The following CACNA1B variants were observed in gnomAD, a reference collection of about 807,000 sequenced individuals.
CACNA1B encodes voltage-dependent N-type calcium channel subunit alpha-1B.
Under a neutral mutation model 247.2 loss-of-function variants are expected in CACNA1B, and 70 were observed. The ratio of observed to expected loss-of-function variants is 0.28; its 90% CI spans 0.23 to 0.35. The LOEUF (loss-of-function observed/expected upper bound fraction) is 0.35. CACNA1B is among the 10% of genes least tolerant of loss of function. The probability of loss-of-function intolerance (pLI) is 1.00; values close to 1 mark genes in which losing one functional copy is unlikely to be tolerated. For missense variants in CACNA1B, 2,367 were observed against 3,197.4 expected (o/e 0.74, Z 6.26); for synonymous variants, 1,231 against 1,294.4 (o/e 0.95, Z 1.05).
At chr9:137,953,801 T>C (rs1251477607) in intron 7 of CACNA1B, among the ~76,000 whole-genome samples, 1 of 150,602 alleles carries the variant, frequency 6.6e-6, no homozygotes, top group Non-Finnish European at 1.5e-5. Context: ...AGTCAGAGGG[T>C]GTTGTGGGGA....
At chr9:137,939,803 A>AAAATAAATAAATAAAT (rs756173569) in intron 6 of CACNA1B, among the ~76,000 whole-genome samples, 2 of 143,828 alleles carry the variant, frequency 1.4e-5, no homozygotes, top group East Asian at 2.0e-4. Flanking sequence ...ACTCCGTCTC[A>AAAATAAATAAATAAAT]AAATAAATAA....
intron 3 of CACNA1B, among the ~76,000 whole-genome samples, chr9:137,908,273 T>C (rs185287930): frequency 9.9e-5 from 15 of 152,264 alleles, no homozygotes; most frequent in African/African-American, 1.4e-4. Flanking sequence ...CCCAGTACTT[T>C]GGGAGGCTGA....
At chr9:137,961,128 C>G (rs944781931) in intron 10 of CACNA1B, among the ~76,000 whole-genome samples, 4 of 151,920 alleles carry the variant, frequency 2.6e-5, no homozygotes, top group African/African-American at 4.8e-5. Flanking sequence ...AGCTTTATTC[C>G]TAGGTATTTT....
At chr9:137,939,849 A>AATAG (rs1957711873) in intron 6 of CACNA1B, among the ~76,000 whole-genome samples, 6 of 65,674 alleles carry the variant, frequency 9.1e-5, no homozygotes, top group Admixed American at 6.6e-4. Flanking sequence ...TAAATAAATA[A>AATAG]AAAAAAATAA....
intron 20 of CACNA1B, 102 bp downstream of exon 20, chr9:138,025,274 C>G: frequency 1.4e-6 from 1 of 736,632 alleles, no homozygotes. Flanking sequence ...CCCAGCCTAC[C>G]TCTGTGAATT....
chr9:138,103,602 C>G (rs1589129971), intron 38 of CACNA1B, among the ~76,000 whole-genome samples: 1 of 152,140 alleles, frequency 6.6e-6, no homozygotes, highest in East Asian at 1.9e-4. Context: ...CCCAGCTGTC[C>G]CCAGTCCCAC....
chr9:138,081,526 C>T (rs963080421), intron 36 of CACNA1B, among the ~76,000 whole-genome samples: 1 of 144,190 alleles, frequency 6.9e-6, no homozygotes, highest in Non-Finnish European at 1.5e-5. Context: ...GGCAGGACTT[C>T]GTTAGGTTGG....
At chr9:137,960,244 AGTTAGG>A in intron 10 of CACNA1B, among the ~76,000 whole-genome samples, 1 of 104,182 alleles carries the variant, frequency 9.6e-6, no homozygotes, top group Non-Finnish European at 2.0e-5. Context: ...GGGAGAGGGG[AGTTAGG>A]CCTGAGGGAC....
At chr9:137,934,113 C>G (rs942203561) in intron 6 of CACNA1B, among the ~76,000 whole-genome samples, 1 of 152,032 alleles carries the variant, frequency 6.6e-6, no homozygotes, top group African/African-American at 2.4e-5. Context: ...ACAAAGACAC[C>G]AAGGAAAGTT....
Position 137,880,684 on chromosome 9 carries a change from C to T in CACNA1B, c.390+1525C>T, listed in dbSNP as rs182553393. On this transcript the variant is annotated intron_variant, in intron 2 of 46. Coordinates refer to ENST00000371372, the MANE Select transcript of CACNA1B (RefSeq NM_000718.4). This position sits in a 1 kb window ranked among gnomAD's most constrained non-coding sequence, Gnocchi z 4.8. ...TGTTGGGAAAACTGCAGAACATGCC[C>T]GCCCTGAGCCAGCCTAGAGGTCTGG... 1.5e-3 allele frequency among the ~76,000 whole-genome samples: 235 copies of T among 152,210 alleles called. No individual in the cohort carries two copies. The highest frequency in any genetic ancestry group is 5.2e-3 in the African/African-American group (217 of 41,534).
intron 41 of CACNA1B, among the ~76,000 whole-genome samples, chr9:138,114,979 C>G (rs1961803220): frequency 6.6e-6 from 1 of 152,154 alleles, no homozygotes; most frequent in Non-Finnish European, 1.5e-5. Context: ...TCTTCGGTGA[C>G]CATATGTAGT....
chr9:138,096,955 C>T (rs1033358558), intron 37 of CACNA1B, among the ~76,000 whole-genome samples: 7 of 151,516 alleles, frequency 4.6e-5, no homozygotes, highest in African/African-American at 1.7e-4. Flanking sequence ...TGTCTTCTTT[C>T]AAGGCCTGTC....
chr9:138,026,471 C>T (rs1344729971), intron 20 of CACNA1B, among the ~76,000 whole-genome samples: 1 of 152,202 alleles, frequency 6.6e-6, no homozygotes, highest in African/African-American at 2.4e-5. Context: ...CTGATTTTTT[C>T]ACTGTCCCTA....
In CACNA1B at chr9:137,990,817, T is replaced by C. The variant is rs1186325260; in HGVS notation, c.1974+3963T>C. Among the ~76,000 whole-genome samples, 1 of 152,218 alleles carries C rather than the reference T, an allele frequency of 6.6e-6. No homozygotes were observed. The highest frequency in any genetic ancestry group is 1.5e-5 in the Non-Finnish European group (1 of 68,044). On this transcript the variant is annotated intron_variant, in intron 15 of 46. Transcript: ENST00000371372. The surrounding 1 kb of genome is among the most constrained non-coding windows in gnomAD (Gnocchi z 4.5). ...TCCCCAGTACCAGCCTGAAGCCTGG[T>C]AGCTCCACTGGGTGGGTAGACCTGC...
intron 20 of CACNA1B, among the ~76,000 whole-genome samples, chr9:138,030,201 T>G (rs561676909): frequency 6.6e-6 from 1 of 152,310 alleles, no homozygotes; most frequent in African/African-American, 2.4e-5. Context: ...GTAAGGTTTT[T>G]GGGTTTGTTT....
intron 31 of CACNA1B, among the ~76,000 whole-genome samples, chr9:138,066,099 TGG>T (rs1425417828): frequency 1.3e-5 from 2 of 152,156 alleles, no homozygotes; most frequent in Non-Finnish European, 2.9e-5. Flanking sequence ...TTGGTGAGGA[TGG>T]GGGCAGTTGG....
At chr9:137,938,993 C>A (rs894154568) in intron 6 of CACNA1B, among the ~76,000 whole-genome samples, 1 of 152,068 alleles carries the variant, frequency 6.6e-6, no homozygotes, top group Admixed American at 6.5e-5. Flanking sequence ...ATGGCGTGAA[C>A]CCAGAGGTGG....
At chr9:137,999,471 T>A (rs1046071682) in intron 15 of CACNA1B, among the ~76,000 whole-genome samples, 1 of 151,544 alleles carries the variant, frequency 6.6e-6, no homozygotes, top group Non-Finnish European at 1.5e-5. Context: ...GAAAAACTTA[T>A]AATCTTAATG....
chr9:137,999,785 A>G (rs773596510), intron 15 of CACNA1B, among the ~76,000 whole-genome samples: 6 of 152,214 alleles, frequency 3.9e-5, no homozygotes, highest in Non-Finnish European at 8.8e-5. Flanking sequence ...CTGGTAATGC[A>G]GGCATGAGCC....
Sources: allele counts gnomAD v4.1 joint callset (sites outside exome capture counted in the v4.1 genomes callset), GRCh38; gene constraint gnomAD v4.1.1; non-coding constraint Gnocchi (gnomAD v3.1); transcripts MANE v1.5; gene names NCBI Gene and HGNC (gene_info 2026-07-23, HGNC 2026-07-21).